SLX4IP: variants seen among roughly 807,000 people sequenced by gnomAD.
SLX4IP encodes SLX4 interacting protein.
In SLX4IP, 34 loss-of-function variants were observed where a neutral mutation model predicts 32.9. The ratio of observed to expected loss-of-function variants is 1.03; its 90% confidence interval spans 0.79 to 1.38. SLX4IP has a LOEUF of 1.38. Ranked by LOEUF, SLX4IP falls within the 40% of genes most tolerant of loss-of-function variation. The pLI, the probability that SLX4IP is intolerant of heterozygous loss-of-function variation, is 0.00. For missense variants in SLX4IP, 444 were observed against 479.0 expected, an observed-to-expected ratio of 0.93 and a Z score of 0.68; for synonymous variants, 172 against 171.7, an observed-to-expected ratio of 1.00 and a Z score of -0.01.
At chr20:10,570,044 G>A (rs903393289) in intron 4 of SLX4IP, among the ~76,000 whole-genome samples, 2 of 152,174 alleles carry the variant, frequency 1.3e-5, no homozygotes, top group Non-Finnish European at 2.9e-5. Context: ...TTATTTGGAG[G>A]TATGGACATA....
chr20:10,462,167 A>C (rs1266901498), intron 2 of SLX4IP, among the ~76,000 whole-genome samples: 5 of 152,336 alleles, frequency 3.3e-5, no homozygotes, highest in Non-Finnish European at 7.3e-5. Flanking sequence ...AAGATAATAG[A>C]TTAAAAAATT....
chr20:10,568,543 T>C (rs1226206680), intron 4 of SLX4IP, among the ~76,000 whole-genome samples: 1 of 152,252 alleles, frequency 6.6e-6, no homozygotes, highest in East Asian at 1.9e-4. Flanking sequence ...AAGACTCATC[T>C]GTGTTCTGCT....
chr20:10,562,557 A>G (rs1455885377), intron 4 of SLX4IP, among the ~76,000 whole-genome samples: 1 of 152,006 alleles, frequency 6.6e-6, no homozygotes, highest in East Asian at 1.9e-4. Flanking sequence ...GGGGCGTGGT[A>G]GGCCATGGTG....
intron 2 of SLX4IP, among the ~76,000 whole-genome samples, chr20:10,494,574 C>T (rs1225087692): frequency 6.6e-6 from 1 of 151,626 alleles, no homozygotes; most frequent in East Asian, 1.9e-4. Context: ...CCTTTTTATC[C>T]AATATTGTTT....
intron 5 of SLX4IP, among the ~76,000 whole-genome samples, chr20:10,599,218 C>T (rs1375416537): frequency 6.6e-6 from 1 of 152,102 alleles, no homozygotes. Flanking sequence ...CAGCCAGCAA[C>T]AGTAAAGTCA....
At chr20:10,546,337 T>C (rs2066162266) in intron 2 of SLX4IP, among the ~76,000 whole-genome samples, 1 of 152,216 alleles carries the variant, frequency 6.6e-6, no homozygotes, top group South Asian at 2.1e-4. Context: ...TGTAATGTGG[T>C]GTGATTACAA....
chr20:10,439,125 T>C (rs1309968490), intron 1 of SLX4IP, among the ~76,000 whole-genome samples: 1 of 152,246 alleles, frequency 6.6e-6, no homozygotes, highest in African/African-American at 2.4e-5. Flanking sequence ...TATTCACCAA[T>C]TGATGGACAT....
chr20:10,439,942 T>C (rs748918093), intron 1 of SLX4IP, among the ~76,000 whole-genome samples: 2 of 152,244 alleles, frequency 1.3e-5, no homozygotes, highest in Non-Finnish European at 2.9e-5. Context: ...TTTTTGCTTC[T>C]ATTATGTAAA....
chr20:10,482,448 A>G (rs1231457653), intron 2 of SLX4IP, among the ~76,000 whole-genome samples: 1 of 152,128 alleles, frequency 6.6e-6, no homozygotes, highest in South Asian at 2.1e-4. Flanking sequence ...TTTTTCTTCA[A>G]GCTAAGTTTG....
intron 2 of SLX4IP, among the ~76,000 whole-genome samples, chr20:10,460,826 G>A (rs1389367377): frequency 6.6e-6 from 1 of 152,112 alleles, no homozygotes; most frequent in East Asian, 1.9e-4. Flanking sequence ...GTTCACTGTT[G>A]GCCTGATCTG....
chr20:10,523,078 T>C (rs1386220992), intron 2 of SLX4IP, among the ~76,000 whole-genome samples: 1 of 152,132 alleles, frequency 6.6e-6, no homozygotes, highest in Non-Finnish European at 1.5e-5. Flanking sequence ...ATGTGAATCC[T>C]AAGTGCAAAC....
At chr20:10,496,485 C>T (rs1450692052) in intron 2 of SLX4IP, among the ~76,000 whole-genome samples, 4 of 152,112 alleles carry the variant, frequency 2.6e-5, no homozygotes, top group South Asian at 2.1e-4. Context: ...TTTTCTTGCA[C>T]GAAACAAAAC....
chr20:10,535,982 A>C (rs2066039230), intron 2 of SLX4IP, among the ~76,000 whole-genome samples: 1 of 131,116 alleles, frequency 7.6e-6, no homozygotes, highest in Non-Finnish European at 1.7e-5. Flanking sequence ...ATGAGCCTGG[A>C]AACACTAGTG....
At chr20:10,576,811 T>G (rs2066528826) in intron 4 of SLX4IP, among the ~76,000 whole-genome samples, 1 of 152,136 alleles carries the variant, frequency 6.6e-6, no homozygotes, top group South Asian at 2.1e-4. Flanking sequence ...TTATAAGACC[T>G]GAAAGGGGAC....
intron 2 of SLX4IP, among the ~76,000 whole-genome samples, chr20:10,534,914 G>GA: frequency 6.6e-6 from 1 of 152,196 alleles, no homozygotes; most frequent in Non-Finnish European, 1.5e-5. Flanking sequence ...CGCCTGGATA[G>GA]AAAGGCGTAA....
intron 6 of SLX4IP, among the ~76,000 whole-genome samples, chr20:10,617,022 A>G (rs1242660021): frequency 6.6e-6 from 1 of 152,210 alleles, no homozygotes; most frequent in African/African-American, 2.4e-5. Flanking sequence ...TCTGCTGGGT[A>G]TCAGAATCAC....
intron 4 of SLX4IP, among the ~76,000 whole-genome samples, chr20:10,587,346 A>G (rs2030566065): frequency 6.6e-6 from 1 of 152,180 alleles, no homozygotes; most frequent in Admixed American, 6.5e-5. Flanking sequence ...TATGTCTACA[A>G]AAAGTCTACA....
intron 2 of SLX4IP, among the ~76,000 whole-genome samples, chr20:10,507,981 C>T (rs1170559892): frequency 1.3e-5 from 2 of 151,628 alleles, no homozygotes; most frequent in African/African-American, 4.8e-5. Flanking sequence ...TATATACACA[C>T]ATTTGTGTGT....
In SLX4IP at chr20:10,622,691, C is replaced by T. The variant is rs778447701; in HGVS notation, c.539C>T (p.Thr180Met). The T allele has an allele frequency of 2.8e-5, 45 of 1,611,932 alleles. No individual in the cohort carries two copies. In the East Asian group the frequency reaches 4.9e-4, roughly 18 times the overall value. ...VKRTETKSSV[T>M]SKSQTRRDTV... Reference sequence around the variant, plus strand: ...AGAACTGAAACAAAAAGCAGTGTCACGAGCAAATCGCAGACCAGAAGAGAC... The same window carrying T: ...AGAACTGAAACAAAAAGCAGTGTCATGAGCAAATCGCAGACCAGAAGAGAC... The change falls in exon 8 of 8, where the codon ACG becomes ATG. Residue 180 changes from threonine to methionine, a missense_variant. Transcript: ENST00000334534.
Sources: gnomAD v4.1 joint callset for allele counts (sites outside exome capture counted in the v4.1 genomes callset) on GRCh38, gnomAD v4.1.1 for gene constraint, MANE v1.5 for transcripts, NCBI Gene and HGNC (gene_info 2026-07-23, HGNC 2026-07-21) for gene names.